Variants in TMEM132C observed in about 807,000 individuals in gnomAD.
The protein encoded by TMEM132C is protein phosphatase 1, regulatory subunit 152.
A neutral mutation model predicts 61.4 loss-of-function variants in TMEM132C; 29 were observed. The observed-to-expected ratio is 0.47, with a 90% confidence interval of 0.35 to 0.64. The LOEUF is 0.64. Ranked by LOEUF, TMEM132C falls within the 30% of genes least tolerant of loss-of-function variation. TMEM132C has a pLI of 0.00. For synonymous variants in TMEM132C, 656 were observed against 633.1 expected (o/e 1.04, Z -0.54); for missense variants, 1,408 against 1,476.9 (o/e 0.95, Z 0.76).
At chr12:128,522,383 C>A (rs1872934898) in intron 2 of TMEM132C, among the ~76,000 whole-genome samples, 1 of 152,222 alleles carries the variant, frequency 6.6e-6, no homozygotes, top group South Asian at 2.1e-4. Flanking sequence ...AAAGGCTTTC[C>A]AGATTGCTAG....
chr12:128,326,857 A>T lies in TMEM132C; in HGVS notation c.85+59370A>T, dbSNP rs560956455. Among the ~76,000 whole-genome samples the T allele has an allele frequency of 2.1e-5, 3 of 143,746 alleles. No homozygotes were observed. The highest frequency in any genetic ancestry group is 4.4e-5 in the Non-Finnish European group (3 of 67,928). The allele number at this position is 143,746 out of a possible 152,430, so 94.3% of individuals were successfully genotyped here. On this transcript the variant is annotated intron_variant, in intron 1 of 8. Transcript: ENST00000435159. This position sits in a 1 kb window ranked among gnomAD's most constrained non-coding sequence, Gnocchi z 5.6. ...CACTCAGGAATTAATTGTATTTTTA[A>T]TAAAGCAGAGGCTTTTGTTGTTGTT... is the stretch of plus-strand genomic sequence containing the variant.
intron 1 of TMEM132C, among the ~76,000 whole-genome samples, chr12:128,309,543 G>A (rs1051059835): frequency 1.3e-5 from 2 of 151,888 alleles, no homozygotes; most frequent in African/African-American, 2.4e-5. Flanking sequence ...TCTCCATTCC[G>A]TTTTCCTCCA....
intron 4 of TMEM132C, among the ~76,000 whole-genome samples, chr12:128,668,798 G>A (rs542046991): frequency 6.6e-6 from 1 of 152,114 alleles, no homozygotes; most frequent in South Asian, 2.1e-4. Context: ...ACATCTCTTG[G>A]CTCATGGCCA....
At chr12:128,604,678 A>G (rs1389163948) in intron 3 of TMEM132C, among the ~76,000 whole-genome samples, 3 of 152,174 alleles carry the variant, frequency 2.0e-5, no homozygotes, top group African/African-American at 7.2e-5. Flanking sequence ...TAGATAGATC[A>G]TAGAGGGGTA....
intron 1 of TMEM132C, among the ~76,000 whole-genome samples, chr12:128,267,694 C>T (rs1340429961): frequency 6.6e-6 from 1 of 152,140 alleles, no homozygotes; most frequent in African/African-American, 2.4e-5. Context: ...GCAAGTTAGG[C>T]TGGTCCCGAG....
At chr12:128,321,322 T>C (rs1593010146) in intron 1 of TMEM132C, among the ~76,000 whole-genome samples, 1 of 152,200 alleles carries the variant, frequency 6.6e-6, no homozygotes, top group East Asian at 1.9e-4. Context: ...CTGTCGATAC[T>C]CACAGCAACT....
intron 3 of TMEM132C, among the ~76,000 whole-genome samples, chr12:128,593,535 T>G (rs773360310): frequency 6.6e-6 from 1 of 152,188 alleles, no homozygotes; most frequent in Non-Finnish European, 1.5e-5. Flanking sequence ...TATGCCTGAT[T>G]CCTGCATGGG....
intron 1 of TMEM132C, among the ~76,000 whole-genome samples, chr12:128,332,066 G>A (rs2135945543): frequency 6.6e-6 from 1 of 152,204 alleles, no homozygotes. Flanking sequence ...ACATTTTATG[G>A]GACATATGAT....
rs77348747 is a variant in TMEM132C at position 128,365,596 on chromosome 12, C to A, written c.86-49136C>A. Among the ~76,000 whole-genome samples the A allele has an allele frequency of 5.6e-3, 848 of 152,220 alleles. 8 individuals carry two copies. Among genetic ancestry groups the A allele is most frequent in the African/African-American group, 0.02 (822 of 41,540 alleles). ...CTTAGAGCCGGAAAGCATATTATGTCTGGAAACTAAAAATGCCTCCTCGCC... is the reference window on the plus strand; with the variant it reads ...CTTAGAGCCGGAAAGCATATTATGTATGGAAACTAAAAATGCCTCCTCGCC... On this transcript the variant is annotated intron_variant, in intron 1 of 8. Coordinates refer to ENST00000435159, the MANE Select transcript of TMEM132C (RefSeq NM_001136103.3).
At chr12:128,450,268 T>C (rs980650139) in intron 2 of TMEM132C, among the ~76,000 whole-genome samples, 1 of 152,194 alleles carries the variant, frequency 6.6e-6, no homozygotes, top group Non-Finnish European at 1.5e-5. Flanking sequence ...GGCTATCATA[T>C]TGGATAGCAG....
chr12:128,569,162 A>T (rs771351493), intron 3 of TMEM132C, among the ~76,000 whole-genome samples: 40 of 152,174 alleles, frequency 2.6e-4, no homozygotes, highest in Non-Finnish European at 5.1e-4. Flanking sequence ...TGGAATAGGA[A>T]GGGTGTGAGC....
chr12:128,532,464 C>A (rs1161698294), intron 2 of TMEM132C, among the ~76,000 whole-genome samples: 1 of 151,430 alleles, frequency 6.6e-6, no homozygotes, highest in Non-Finnish European at 1.5e-5. Flanking sequence ...CATGATGAAA[C>A]CCCATCTCTA....
intron 3 of TMEM132C, among the ~76,000 whole-genome samples, chr12:128,601,259 C>T (rs1292100591): frequency 6.6e-6 from 1 of 152,172 alleles, no homozygotes; most frequent in Non-Finnish European, 1.5e-5. Context: ...CTACTCCCTT[C>T]TTGAGTAAAA....
chr12:128,539,141 A>G (rs942657337), intron 2 of TMEM132C, among the ~76,000 whole-genome samples: 1 of 152,170 alleles, frequency 6.6e-6, no homozygotes, highest in Non-Finnish European at 1.5e-5. Flanking sequence ...TCCATGCCTC[A>G]TGCTCTGCTG....
At chr12:128,321,800 C>T (rs1420932461) in intron 1 of TMEM132C, among the ~76,000 whole-genome samples, 1 of 152,148 alleles carries the variant, frequency 6.6e-6, no homozygotes, top group African/African-American at 2.4e-5. Context: ...AATACATGTA[C>T]ACCTCTAATC....
chr12:128,345,203 A>T (rs1482814845), intron 1 of TMEM132C, among the ~76,000 whole-genome samples: 1 of 152,084 alleles, frequency 6.6e-6, no homozygotes, highest in African/African-American at 2.4e-5. Context: ...AATGGCCTCT[A>T]GCTCCATCCA....
chr12:128,563,803 CTT>C (rs1874603012), intron 3 of TMEM132C, among the ~76,000 whole-genome samples: 1 of 152,146 alleles, frequency 6.6e-6, no homozygotes, highest in Admixed American at 6.5e-5. Context: ...AATATTATCT[CTT>C]GTCTTAGTTC....
intron 2 of TMEM132C, among the ~76,000 whole-genome samples, chr12:128,454,651 A>G: frequency 6.6e-6 from 1 of 152,164 alleles, no homozygotes. Flanking sequence ...TCCAGGATGG[A>G]GCGCTTATAT....
chr12:128,654,943 C>T (rs1178774717), intron 4 of TMEM132C, among the ~76,000 whole-genome samples: 1 of 152,198 alleles, frequency 6.6e-6, no homozygotes. Context: ...CCTCCTCTCT[C>T]CTCTGTCCCC....
Sources: gnomAD v4.1 joint callset for allele counts (sites outside exome capture counted in the v4.1 genomes callset) on GRCh38, gnomAD v4.1.1 for gene constraint, Gnocchi (gnomAD v3.1) non-coding constraint, MANE v1.5 for transcripts, NCBI Gene and HGNC (gene_info 2026-07-23, HGNC 2026-07-21) for gene names.